The following ITFG1 variants were observed in gnomAD, a reference collection of about 807,000 sequenced individuals.
ITFG1 encodes the protein T-cell immunomodulatory protein.
A neutral mutation model predicts 81.8 loss-of-function variants in ITFG1; 34 were observed. The ratio of observed to expected loss-of-function variants is 0.42; its 90% CI spans 0.32 to 0.55. The LOEUF (loss-of-function observed/expected upper bound fraction) is 0.55. Ranked by LOEUF, ITFG1 falls within the 20% of genes least tolerant of loss-of-function variation. ITFG1 has a pLI of 0.17. For missense variants in ITFG1, 672 were observed against 755.4 expected, an observed-to-expected ratio of 0.89 and a Z score of 1.29; for synonymous variants, 285 against 270.6, an observed-to-expected ratio of 1.05 and a Z score of -0.52.
At chr16:47,454,777 A>T (rs1046108058) in intron 2 of ITFG1, among the ~76,000 whole-genome samples, 1 of 152,108 alleles carries the variant, frequency 6.6e-6, no homozygotes, top group African/African-American at 2.4e-5. Context: ...TATTAACAAA[A>T]TAATTCTAAA....
intron 16 of ITFG1, among the ~76,000 whole-genome samples, chr16:47,160,316 C>A (rs1259370523): frequency 1.3e-5 from 2 of 151,866 alleles, no homozygotes. Context: ...GTATAGATGG[C>A]TTCTTTTTAA....
At chr16:47,278,480 A>C (rs941050250) in intron 10 of ITFG1, among the ~76,000 whole-genome samples, 2 of 152,156 alleles carry the variant, frequency 1.3e-5, no homozygotes, top group Non-Finnish European at 2.9e-5. Flanking sequence ...CAGATGGTAG[A>C]GCATTATGCA....
At chr16:47,294,447 A>T (rs73541004) in intron 10 of ITFG1, among the ~76,000 whole-genome samples, 15,787 of 152,128 alleles carry the variant, frequency 0.1, 1,672 homozygotes, top group African/African-American at 0.27. Flanking sequence ...TGCTTTGGGC[A>T]TTATGGTCAT....
intron 8 of ITFG1, among the ~76,000 whole-genome samples, chr16:47,357,614 C>CAAA (rs75054901): frequency 9.8e-5 from 6 of 61,098 alleles, no homozygotes; most frequent in African/African-American, 1.7e-4. Flanking sequence ...GACTCCGTCT[C>CAAA]AAAAAAAAAA....
intron 6 of ITFG1, among the ~76,000 whole-genome samples, chr16:47,411,816 A>G (rs374944501): frequency 3.9e-5 from 6 of 152,322 alleles, no homozygotes; most frequent in South Asian, 2.1e-4. Context: ...AGTCTCCCCA[A>G]TCACAGAGCG....
chr16:47,446,879 T>C (rs1293107249), intron 5 of ITFG1, among the ~76,000 whole-genome samples: 11 of 151,986 alleles, frequency 7.2e-5, no homozygotes, highest in African/African-American at 2.4e-4. Flanking sequence ...TTTTTTTTTT[T>C]TGAGATAGCG....
At chr16:47,386,170 G>T (rs1968458885) in intron 6 of ITFG1, among the ~76,000 whole-genome samples, 2 of 152,050 alleles carry the variant, frequency 1.3e-5, no homozygotes, top group South Asian at 2.1e-4. Flanking sequence ...AGCATAACTG[G>T]GGGAAATTAT....
chr16:47,263,201 C>T, intron 10 of ITFG1: 1 of 326,910 alleles, frequency 3.1e-6, no homozygotes, highest in East Asian at 8.9e-5. Context: ...TAGGAGAGGC[C>T]CTGGCCTCTG....
chr16:47,304,956 A>G (rs951353426), intron 10 of ITFG1, among the ~76,000 whole-genome samples: 1 of 152,196 alleles, frequency 6.6e-6, no homozygotes. Flanking sequence ...GCCTTAAGAA[A>G]TACAAAAGTT....
intron 5 of ITFG1, among the ~76,000 whole-genome samples, chr16:47,444,448 T>G (rs1969296922): frequency 6.6e-6 from 1 of 152,162 alleles, no homozygotes; most frequent in Admixed American, 6.6e-5. Flanking sequence ...ACACTATGCC[T>G]TTCTCATTTT....
chr16:47,284,447 T>C lies in ITFG1; in HGVS notation c.1071-23752A>G, dbSNP rs143877646. 3.2e-4 allele frequency among the ~76,000 whole-genome samples: 48 copies of C among 152,276 alleles called. No homozygotes were observed. In the East Asian group the frequency reaches 9.3e-3, roughly 29 times the overall value. On this transcript the variant is annotated intron_variant, in intron 10 of 17. Coordinates refer to ENST00000320640, the MANE Select transcript of ITFG1 (RefSeq NM_030790.5). ...ACGCGTTCCTCACACTCACAAGTGT[T>C]TTAATGTTCATAGATGAAACTCAGT... is the stretch of plus-strand genomic sequence containing the variant.
At chr16:47,179,667 G>A (rs998903270) in intron 14 of ITFG1, among the ~76,000 whole-genome samples, 13 of 152,028 alleles carry the variant, frequency 8.6e-5, no homozygotes, top group East Asian at 5.8e-4. Context: ...CTGTCTTCAC[G>A]GAAAGCCATA....
intron 14 of ITFG1, among the ~76,000 whole-genome samples, chr16:47,166,328 A>G (rs1024272337): frequency 3.9e-5 from 6 of 152,252 alleles, no homozygotes; most frequent in African/African-American, 1.4e-4. Flanking sequence ...TATAAGGAGA[A>G]TAATCTAAGT....
Position 47,238,003 on chromosome 16 carries a change from T to A in ITFG1, c.1336A>T (p.Ser446Cys). 1 of 1,473,000 alleles carries A rather than the reference T, an allele frequency of 6.8e-7. No homozygotes were observed. The highest frequency in any genetic ancestry group is 1.5e-5 in the African/African-American group (1 of 68,424). The allele number at this position is 1,473,000 out of a possible 1,614,324, so 91.2% of individuals were successfully genotyped here. A position where few individuals can be genotyped will look rare whatever the true frequency, so the allele number is the denominator to read the frequency against. Residue 446 changes from serine to cysteine, a missense_variant, in exon 13 of 18, where the codon AGT (serine) becomes TGT (cysteine). Transcript: ENST00000320640. ...GGACAGTCATTAGAACACAGACCAC[T>A]AAGAACTGTGGAAAAATAAACAGGC... Reference protein sequence around the residue: ...DAYFVKVIVLSGLCSNDCPRK... With the variant: ...DAYFVKVIVLCGLCSNDCPRK...
intron 14 of ITFG1, chr16:47,217,918 C>T (rs1171110636): frequency 6.6e-6 from 1 of 152,184 alleles, no homozygotes; most frequent in African/African-American, 2.4e-5. Context: ...CAGTGAGACT[C>T]CGTCTCAAAT....
At chr16:47,314,338 T>G (rs919976815) in intron 8 of ITFG1, among the ~76,000 whole-genome samples, 1 of 152,158 alleles carries the variant, frequency 6.6e-6, no homozygotes, top group African/African-American at 2.4e-5. Context: ...TCAACAGTAG[T>G]CCATTATTAT....
At chr16:47,368,570 A>T (rs1968209237) in intron 7 of ITFG1, among the ~76,000 whole-genome samples, 1 of 150,010 alleles carries the variant, frequency 6.7e-6, no homozygotes, top group African/African-American at 2.5e-5. Context: ...AAAAAAAAAA[A>T]AAAAAAAAAA....
chr16:47,286,302 T>C (rs1472762406), intron 10 of ITFG1, among the ~76,000 whole-genome samples: 5 of 152,114 alleles, frequency 3.3e-5, no homozygotes, highest in African/African-American at 1.2e-4. Flanking sequence ...TATGATATGA[T>C]AAAGGAGGCA....
intron 6 of ITFG1, among the ~76,000 whole-genome samples, chr16:47,394,643 A>G (rs989087245): frequency 6.6e-6 from 1 of 152,128 alleles, no homozygotes; most frequent in African/African-American, 2.4e-5. Context: ...TGGAAAAAAA[A>G]AAAGACACAT....
Sources: allele counts gnomAD v4.1 joint callset (sites outside exome capture counted in the v4.1 genomes callset), GRCh38; gene constraint gnomAD v4.1.1; transcripts MANE v1.5; gene names NCBI Gene and HGNC (gene_info 2026-07-23, HGNC 2026-07-21).